The following MEGF10 variants were observed in gnomAD, a reference collection of about 807,000 sequenced individuals.
MEGF10 encodes the protein multiple EGF like domains 10.
A neutral mutation model predicts 147.5 loss-of-function variants in MEGF10; 86 were observed. That is an observed-to-expected ratio of 0.58 (90% CI 0.49 to 0.70). The LOEUF is 0.70. Among genes scored for constraint, MEGF10 ranks in the 30% least tolerant of loss-of-function variants. The probability of loss-of-function intolerance (pLI) is 0.00; values close to 1 mark genes in which losing one functional copy is unlikely to be tolerated. For synonymous variants in MEGF10, 478 were observed against 525.5 expected, an observed-to-expected ratio of 0.91 and a Z score of 1.24; for missense variants, 1,329 against 1,487.3, an observed-to-expected ratio of 0.89 and a Z score of 1.75.
intron 6 of MEGF10, among the ~76,000 whole-genome samples, chr5:127,397,571 A>AT (rs1333233550): frequency 6.6e-6 from 1 of 152,210 alleles, no homozygotes; most frequent in Non-Finnish European, 1.5e-5. Context: ...ACTTGAAAAA[A>AT]CAAAATGTGG....
At chr5:127,371,191 C>CTGTGTG (rs10591122) in intron 5 of MEGF10, among the ~76,000 whole-genome samples, 2,936 of 126,176 alleles carry the variant, frequency 0.023, 63 homozygotes, top group African/African-American at 0.033. Context: ...GGGACTGGGA[C>CTGTGTG]TGTGTGTGTG....
At chr5:127,378,378 A>G (rs1763113067) in intron 5 of MEGF10, among the ~76,000 whole-genome samples, 1 of 152,330 alleles carries the variant, frequency 6.6e-6, no homozygotes, top group South Asian at 2.1e-4. Flanking sequence ...CACATGGCCC[A>G]GTCTTTTGAC....
chr5:127,388,388 A>T lies in MEGF10; in HGVS notation c.413-8144A>T, dbSNP rs137963011. Among the ~76,000 whole-genome samples, 10 of 152,162 alleles carry T rather than the reference A, an allele frequency of 6.6e-5. No individual in the cohort carries two copies. In the East Asian group the frequency reaches 9.6e-4, roughly 15 times the overall value. ...GGTCTCTAACTCTTGAGCTCAAGCA[A>T]TCCACCCACCTCAGCCTCCCAAAGT... On this transcript the variant is annotated intron_variant, in intron 5 of 24. Coordinates refer to ENST00000503335, the MANE Select transcript of MEGF10 (RefSeq NM_001256545.2).
chr5:127,294,716 T>C lies in MEGF10; in HGVS notation c.-19+3660T>C, dbSNP rs1180643579. On this transcript the variant is annotated intron_variant, in intron 1 of 24. Coordinates refer to ENST00000503335, the MANE Select transcript of MEGF10 (RefSeq NM_001256545.2). ...TGGGAGGCTGAGGCACAAGAATCAC[T>C]TGAACTTGGGAGGCAGAGGTTGCAG... Among the ~76,000 whole-genome samples, 30 of 151,578 alleles carry C rather than the reference T, an allele frequency of 2.0e-4. 1 individual carries two copies. The highest frequency in any genetic ancestry group is 1.2e-4 in the Non-Finnish European group (8 of 67,936).
intron 12 of MEGF10, 34 bp downstream of exon 12, chr5:127,420,241 C>G: frequency 1.2e-6 from 2 of 1,603,216 alleles, no homozygotes; most frequent in South Asian, 2.2e-5. Flanking sequence ...CGGAAAACGC[C>G]TATGAGGAAC....
At position 127,360,066 on chromosome 5, in the gene MEGF10, C is replaced by T. The variant is rs78057873; in HGVS notation, c.320-9844C>T. Among the ~76,000 whole-genome samples, 961 of 152,178 alleles carry T rather than the reference C, an allele frequency of 6.3e-3. 12 individuals carry two copies. The highest frequency in any genetic ancestry group is 0.022 in the African/African-American group (924 of 41,562). On this transcript the variant is annotated intron_variant, in intron 4 of 24. Coordinates refer to ENST00000503335, the MANE Select transcript of MEGF10 (RefSeq NM_001256545.2). ...TCTGACTCACAAACAAGTGCTGTCTCACTATTTAAGATAATGTGTATATTG... is the reference window on the plus strand; with the variant it reads ...TCTGACTCACAAACAAGTGCTGTCTTACTATTTAAGATAATGTGTATATTG...
intron 5 of MEGF10, among the ~76,000 whole-genome samples, chr5:127,391,084 A>ATGTGCGCGCG (rs146867870): frequency 1.1e-5 from 1 of 93,542 alleles, no homozygotes; most frequent in African/African-American, 3.2e-5. Context: ...ATACATACAC[A>ATGTGCGCGCG]CATGCGCGCG....
chr5:127,444,631 G>A (rs1765872988), intron 19 of MEGF10: 1 of 152,178 alleles, frequency 6.6e-6, no homozygotes, highest in African/African-American at 2.4e-5. Context: ...CTCAACCCAT[G>A]CCTTTAGCGT....
upstream of MEGF10, among the ~76,000 whole-genome samples, chr5:127,288,070 C>G (rs1260474849): frequency 6.6e-6 from 1 of 152,044 alleles, no homozygotes; most frequent in African/African-American, 2.4e-5. Flanking sequence ...AACCTCAGCC[C>G]TTACTTCATA....
At position 127,344,024 on chromosome 5, in the gene MEGF10, G is replaced by T. The variant is rs973631858; in HGVS notation, c.319+3394G>T. Among the ~76,000 whole-genome samples the T allele has an allele frequency of 2.6e-5, 4 of 152,252 alleles. No homozygotes were observed. In the South Asian group the frequency reaches 8.3e-4, roughly 32 times the overall value. ...TTAACTTGTTTTGGGAGAAAAGCAG[G>T]TTTCTATTCTACTTGTCCATATAAA... On this transcript the variant is annotated intron_variant, in intron 4 of 24. Coordinates refer to ENST00000503335, the MANE Select transcript of MEGF10 (RefSeq NM_001256545.2).
chr5:127,343,449 G>T (rs958311333), intron 4 of MEGF10, among the ~76,000 whole-genome samples: 3 of 151,972 alleles, frequency 2.0e-5, no homozygotes, highest in Admixed American at 2.0e-4. Context: ...ACATGGAACT[G>T]CCAGCTGCCT....
At chr5:127,337,300 T>C (rs989561446) in intron 2 of MEGF10, among the ~76,000 whole-genome samples, 1 of 152,106 alleles carries the variant, frequency 6.6e-6, no homozygotes, top group African/African-American at 2.4e-5. Flanking sequence ...GGGGGTCTTA[T>C]CTCTGATGCC....
At chr5:127,407,910 T>C (rs982287809) in intron 8 of MEGF10, among the ~76,000 whole-genome samples, 5 of 152,242 alleles carry the variant, frequency 3.3e-5, no homozygotes, top group Non-Finnish European at 7.3e-5. Context: ...ACATAACTAT[T>C]ATTAACAGGA....
chr5:127,249,361 G>T, the MEGF10 span, among the ~76,000 whole-genome samples: 4 of 150,396 alleles, frequency 2.7e-5, no homozygotes, highest in South Asian at 8.5e-4. Context: ...GAGAGAAGAA[G>T]AAGGAGGAGG....
Position 127,422,664 on chromosome 5 carries a change from A to G in MEGF10, c.1591-6A>G. On this transcript the variant is annotated splice_polypyrimidine_tract_variant and splice_region_variant and intron_variant, in intron 12 of 24. Coordinates refer to ENST00000503335, the MANE Select transcript of MEGF10 (RefSeq NM_001256545.2). ...ATTGCTGCCTTTGATGCTGTTTTCCATGCAGGATGGCACGTACGGGCTGAA... is the reference window on the plus strand; with the variant it reads ...ATTGCTGCCTTTGATGCTGTTTTCCGTGCAGGATGGCACGTACGGGCTGAA... The G allele has an allele frequency of 1.2e-6, 2 of 1,613,146 alleles. No individual in the cohort carries two copies. The highest frequency in any genetic ancestry group is 1.7e-6 in the Non-Finnish European group (2 of 1,179,194).
the MEGF10 span, among the ~76,000 whole-genome samples, chr5:127,240,927 C>T: frequency 6.6e-6 from 1 of 152,306 alleles, no homozygotes; most frequent in Non-Finnish European, 1.5e-5. Context: ...CAGACCTAGA[C>T]ATTGGGCAGA....
intron 5 of MEGF10, among the ~76,000 whole-genome samples, chr5:127,388,516 T>TA (rs1360630173): frequency 7.5e-6 from 1 of 132,574 alleles, no homozygotes; most frequent in Admixed American, 7.8e-5. Flanking sequence ...TTCTTTTTTC[T>TA]TTTTATTTAT....
intron 1 of MEGF10, among the ~76,000 whole-genome samples, chr5:127,305,108 A>G (rs1365320700): frequency 6.6e-6 from 1 of 152,236 alleles, no homozygotes; most frequent in African/African-American, 2.4e-5. Context: ...ATTTAAATGG[A>G]TAATGTTGAC....
the MEGF10 span, among the ~76,000 whole-genome samples, chr5:127,260,224 T>G: frequency 6.6e-6 from 1 of 152,008 alleles, no homozygotes; most frequent in Non-Finnish European, 1.5e-5. Flanking sequence ...ATTCAAGAGG[T>G]AAGGTGGGTT....
Sources: gnomAD v4.1 joint callset for allele counts (sites outside exome capture counted in the v4.1 genomes callset) on GRCh38, gnomAD v4.1.1 for gene constraint, MANE v1.5 for transcripts, NCBI Gene and HGNC (gene_info 2026-07-23, HGNC 2026-07-21) for gene names.